DPP6: variants seen among roughly 807,000 people sequenced by gnomAD.
DPP6 encodes the protein A-type potassium channel modulatory protein DPP6.
Under a neutral mutation model 122.6 loss-of-function variants are expected in DPP6, and 69 were observed. The observed-to-expected ratio is 0.56, with a 90% CI of 0.46 to 0.69. DPP6 has a LOEUF of 0.69. DPP6 is among the 30% of genes least tolerant of loss of function. The pLI is 0.00. For missense variants in DPP6, 928 were observed against 1,116.9 expected (o/e 0.83, Z 2.41); for synonymous variants, 418 against 433.1 (o/e 0.97, Z 0.43).
chr7:154,104,986 G>C (rs1290577055), intron 1 of DPP6, among the ~76,000 whole-genome samples: 1 of 152,202 alleles, frequency 6.6e-6, no homozygotes, highest in Non-Finnish European at 1.5e-5. Context: ...TTTGAGGCTG[G>C]GAGTGGTGGC....
upstream of DPP6, among the ~76,000 whole-genome samples, chr7:154,049,527 A>G (rs1237530007): frequency 1.3e-4 from 18 of 133,894 alleles, 1 homozygote; most frequent in Non-Finnish European, 2.8e-4. Flanking sequence ...GCTTAACACA[A>G]ATTTGGATGT....
chr7:154,731,136 C>T (rs2316242), intron 8 of DPP6, among the ~76,000 whole-genome samples: 11,478 of 152,016 alleles, frequency 0.076, 1,094 homozygotes, highest in African/African-American at 0.22. Context: ...CTTTGATGAT[C>T]GCTTTTGCCT....
intron 1 of DPP6, among the ~76,000 whole-genome samples, chr7:154,230,935 T>A (rs1800883730): frequency 6.6e-6 from 1 of 152,248 alleles, no homozygotes; most frequent in Admixed American, 6.5e-5. Flanking sequence ...TATGCATTTT[T>A]GCATCACTGT....
chr7:154,852,346 G>A (rs6971696), intron 16 of DPP6, among the ~76,000 whole-genome samples: 31,811 of 152,008 alleles, frequency 0.21, 3,811 homozygotes, highest in African/African-American at 0.34. Flanking sequence ...GAAGCAGAGC[G>A]CAAGCAGCAG....
intron 5 of DPP6, among the ~76,000 whole-genome samples, chr7:154,617,118 T>C (rs1299889852): frequency 2.6e-5 from 4 of 152,180 alleles, no homozygotes; most frequent in African/African-American, 9.7e-5. Flanking sequence ...ACTTAGCCCA[T>C]GACCTAAAGC....
At chr7:154,723,622 G>A (rs538481523) in intron 7 of DPP6, among the ~76,000 whole-genome samples, 2 of 152,308 alleles carry the variant, frequency 1.3e-5, no homozygotes, top group South Asian at 2.1e-4. Context: ...CAGGAGGGCT[G>A]AGCAGAAAAC....
intron 10 of DPP6, among the ~76,000 whole-genome samples, chr7:154,785,509 C>A (rs1281992503): frequency 2.0e-5 from 3 of 152,168 alleles, no homozygotes; most frequent in Non-Finnish European, 2.9e-5. Flanking sequence ...CATTTAAATA[C>A]TATTACAAGT....
intron 1 of DPP6, among the ~76,000 whole-genome samples, chr7:154,168,422 G>A (rs911037401): frequency 1.3e-5 from 2 of 152,198 alleles, no homozygotes; most frequent in Admixed American, 1.3e-4. Context: ...TGGAAAGAAG[G>A]CAAGGAAAAT....
At chr7:154,460,752 A>G (rs997939720) in intron 2 of DPP6, among the ~76,000 whole-genome samples, 5 of 152,202 alleles carry the variant, frequency 3.3e-5, no homozygotes, top group Non-Finnish European at 5.9e-5. Flanking sequence ...TATGGGACAC[A>G]TGACACATTT....
At chr7:154,152,493 A>G (rs1286472019) in intron 1 of DPP6, among the ~76,000 whole-genome samples, 1 of 152,192 alleles carries the variant, frequency 6.6e-6, no homozygotes, top group East Asian at 1.9e-4. Context: ...GCCCGCTGCA[A>G]TGCTAGACTG....
chr7:154,029,709 G>C (rs1799130116), intron 1 of DPP6, among the ~76,000 whole-genome samples: 2 of 149,498 alleles, frequency 1.3e-5, no homozygotes, highest in African/African-American at 4.9e-5. Context: ...AGTTGGGCAT[G>C]GTGGCGGGCG....
At chr7:154,018,156 G>A (rs1256996933) in intron 1 of DPP6, among the ~76,000 whole-genome samples, 1 of 151,856 alleles carries the variant, frequency 6.6e-6, no homozygotes, top group African/African-American at 2.4e-5. Context: ...GCCACCACGA[G>A]GCCCCCTATC....
At chr7:153,922,892 A>G (rs1214808280) in intron 1 of DPP6, among the ~76,000 whole-genome samples, 1 of 152,244 alleles carries the variant, frequency 6.6e-6, no homozygotes. Context: ...AAAAAGGGAC[A>G]TCCAAAGCTG....
intron 1 of DPP6, among the ~76,000 whole-genome samples, chr7:154,294,279 G>A (rs530983166): frequency 1.0e-3 from 156 of 152,274 alleles, no homozygotes; most frequent in Non-Finnish European, 1.5e-3. Flanking sequence ...ATGATTAGGA[G>A]CTCATCAGGT....
intron 1 of DPP6, among the ~76,000 whole-genome samples, chr7:154,390,026 G>A (rs1814475937): frequency 6.6e-6 from 1 of 152,232 alleles, no homozygotes; most frequent in Admixed American, 6.5e-5. Context: ...TCAAGTGGGT[G>A]TCCTCCATGA....
chr7:154,315,979 C>T (rs182279730), intron 1 of DPP6, among the ~76,000 whole-genome samples: 1 of 152,322 alleles, frequency 6.6e-6, no homozygotes, highest in Admixed American at 6.5e-5. Context: ...AATGGTGACC[C>T]ACTTGCTTGT....
chr7:154,369,670 C>T (rs1020889408), intron 1 of DPP6, among the ~76,000 whole-genome samples: 1 of 152,236 alleles, frequency 6.6e-6, no homozygotes. Context: ...CCAGCCTCAA[C>T]TGTTACTTGA....
chr7:153,818,813 G>A, the DPP6 span, among the ~76,000 whole-genome samples: 7 of 152,046 alleles, frequency 4.6e-5, no homozygotes, highest in African/African-American at 1.7e-4. Flanking sequence ...GTCCAGTGGT[G>A]TGATCCCAGC....
intron 1 of DPP6, among the ~76,000 whole-genome samples, chr7:154,163,101 T>C (rs986223524): frequency 2.0e-5 from 3 of 151,924 alleles, no homozygotes; most frequent in Non-Finnish European, 4.4e-5. Context: ...GTCTGACTAG[T>C]GTTGAATGGA....
Sources: allele counts gnomAD v4.1 joint callset (sites outside exome capture counted in the v4.1 genomes callset), GRCh38; gene constraint gnomAD v4.1.1; transcripts MANE v1.5; gene names NCBI Gene and HGNC (gene_info 2026-07-23, HGNC 2026-07-21).